Variants in PRIM2 observed in about 807,000 individuals in gnomAD.
PRIM2 encodes DNA primase subunit 2.
A neutral mutation model predicts 67.3 loss-of-function variants in PRIM2; 39 were observed. The ratio of observed to expected loss-of-function variants is 0.58; its 90% CI spans 0.45 to 0.76. The LOEUF is 0.76. Among genes scored for constraint, PRIM2 ranks in the 30% least tolerant of loss-of-function variants. The pLI, the probability that PRIM2 is intolerant of heterozygous loss-of-function variation, is 0.00. For synonymous variants in PRIM2, 143 were observed against 198.7 expected (o/e 0.72, Z 2.36); for missense variants, 398 against 598.7 (o/e 0.66, Z 3.50).
rs1775738935 is a variant in PRIM2 at position 57,566,298 on chromosome 6, A to G, written c.1020+28673A>G. Among the ~76,000 whole-genome samples the G allele has an allele frequency of 2.0e-5, 3 of 152,024 alleles. 1 individual carries two copies. The highest frequency in any genetic ancestry group is 4.1e-4 in the South Asian group (2 of 4,832). ...TTTCATATTATGTCACATAGGAAGC[A>G]TATTGGGTAGCAGTAGTTTGAACCC... On this transcript the variant is annotated intron_variant, in intron 10 of 13. Coordinates refer to ENST00000615550, the MANE Select transcript of PRIM2 (RefSeq NM_000947.5).
At chr6:57,406,366 A>G (rs1386628531) in intron 7 of PRIM2, among the ~76,000 whole-genome samples, 1 of 152,148 alleles carries the variant, frequency 6.6e-6, no homozygotes, top group Non-Finnish European at 1.5e-5. Flanking sequence ...GTTTAATTGC[A>G]CATATACGTT....
the PRIM2 span, chr6:57,222,260 G>C: frequency 6.6e-6 from 1 of 152,540 alleles, no homozygotes; most frequent in African/African-American, 2.4e-5. Context: ...GGTGGGGCGC[G>C]GGAGTCTCGA....
chr6:57,287,271 G>A, the PRIM2 span, among the ~76,000 whole-genome samples: 1 of 152,092 alleles, frequency 6.6e-6, no homozygotes. Flanking sequence ...CATACCCAAA[G>A]GATTGTAAAT....
chr6:57,400,717 C>G (rs1022490733), intron 7 of PRIM2, among the ~76,000 whole-genome samples: 43 of 152,300 alleles, frequency 2.8e-4, no homozygotes, highest in African/African-American at 9.9e-4. Context: ...GCTTTTTCCC[C>G]TTCGCTTTCA....
At position 57,383,691 on chromosome 6, in the gene PRIM2, G is replaced by T. The variant is rs1770040944; in HGVS notation, c.693+1523G>T. The T allele has an allele frequency of 2.0e-5, 3 of 152,068 alleles. No homozygotes were observed. In the South Asian group the frequency reaches 6.2e-4, roughly 31 times the overall value. 9.4% of individuals were successfully genotyped at this position (152,068 alleles called of 1,614,324 possible). On this transcript the variant is annotated intron_variant, in intron 7 of 13. Coordinates refer to ENST00000615550, the MANE Select transcript of PRIM2 (RefSeq NM_000947.5). ...GCTACAGCCATCTAGAGATGAGGCA[G>T]GTAACTTCGGGACAACCCAATTTGC...
chr6:57,257,213 T>A, the PRIM2 span, among the ~76,000 whole-genome samples: 6 of 152,112 alleles, frequency 3.9e-5, no homozygotes, highest in African/African-American at 7.2e-5. Flanking sequence ...AAAGAAGTAT[T>A]TTTTATCTTA....
At chr6:57,483,530 A>G (rs1328178280) in intron 7 of PRIM2, among the ~76,000 whole-genome samples, 1 of 152,206 alleles carries the variant, frequency 6.6e-6, no homozygotes, top group Non-Finnish European at 1.5e-5. Context: ...ACCAAACTTT[A>G]TGAGTCTTGG....
intron 7 of PRIM2, among the ~76,000 whole-genome samples, chr6:57,404,543 G>C (rs1770818116): frequency 6.6e-6 from 1 of 151,068 alleles, no homozygotes; most frequent in African/African-American, 2.4e-5. Flanking sequence ...CTGTATACCT[G>C]ATAATATGTG....
intron 5 of PRIM2, among the ~76,000 whole-genome samples, chr6:57,353,653 T>C (rs1375311297): frequency 6.6e-6 from 1 of 152,208 alleles, no homozygotes; most frequent in Non-Finnish European, 1.5e-5. Context: ...TAGATTACTA[T>C]CGGTAGTCTT....
intron 7 of PRIM2, among the ~76,000 whole-genome samples, chr6:57,438,854 C>T (rs1772099555): frequency 6.6e-6 from 1 of 150,478 alleles, no homozygotes; most frequent in South Asian, 2.1e-4. Flanking sequence ...CTCACTGCAA[C>T]CTCCGCCTCT....
intron 8 of PRIM2, among the ~76,000 whole-genome samples, chr6:57,528,990 G>A (rs1348369832): frequency 5.3e-5 from 8 of 152,158 alleles, no homozygotes; most frequent in African/African-American, 1.9e-4. Context: ...TAAGTGACTT[G>A]TCCCAGTTTG....
At position 57,533,901 on chromosome 6, in the gene PRIM2, G is replaced by C. The variant is rs1322946808; in HGVS notation, c.834+1418G>C. ...GGACAACATAATAAATAATAAATGA[G>C]CAATATAATGTTAAGTGCTATGATG... On this transcript the variant is annotated intron_variant, in intron 9 of 13. Coordinates refer to ENST00000615550, the MANE Select transcript of PRIM2 (RefSeq NM_000947.5). Among the ~76,000 whole-genome samples the C allele has an allele frequency of 5.3e-5, 8 of 152,266 alleles. No individual in the cohort carries two copies. In the South Asian group the frequency reaches 1.7e-3, roughly 32 times the overall value.
At chr6:57,523,227 G>C (rs1774663880) in intron 8 of PRIM2, among the ~76,000 whole-genome samples, 1 of 152,218 alleles carries the variant, frequency 6.6e-6, no homozygotes. Context: ...TTTGAGAGCA[G>C]CACTTTTGTG....
intron 7 of PRIM2, among the ~76,000 whole-genome samples, chr6:57,486,760 T>C (rs1773762038): frequency 6.6e-6 from 1 of 152,232 alleles, no homozygotes; most frequent in Non-Finnish European, 1.5e-5. Context: ...ATAACTAGCA[T>C]TGACATAGGA....
chr6:57,236,359 C>T, the PRIM2 span, among the ~76,000 whole-genome samples: 1 of 130,390 alleles, frequency 7.7e-6, no homozygotes, highest in South Asian at 2.5e-4. Context: ...TATTATTTGC[C>T]TCTAGCCTCC....
intron 7 of PRIM2, among the ~76,000 whole-genome samples, chr6:57,453,156 G>A (rs1345164091): frequency 5.9e-5 from 9 of 152,086 alleles, no homozygotes; most frequent in Non-Finnish European, 1.3e-4. Context: ...TCTCTGTTTT[G>A]ATACAAATAC....
intron 5 of PRIM2, among the ~76,000 whole-genome samples, chr6:57,361,713 A>T (rs1769207148): frequency 6.6e-6 from 1 of 151,752 alleles, no homozygotes; most frequent in African/African-American, 2.4e-5. Context: ...GTTGTCCTTT[A>T]TATTATTTTA....
intron 8 of PRIM2, among the ~76,000 whole-genome samples, chr6:57,511,809 T>G (rs1774374981): frequency 6.6e-6 from 1 of 152,158 alleles, no homozygotes; most frequent in African/African-American, 2.4e-5. Flanking sequence ...TTTCAGACAT[T>G]TTAAGCTTGA....
intron 7 of PRIM2, among the ~76,000 whole-genome samples, chr6:57,439,960 A>T (rs4236152): frequency 6.6e-6 from 1 of 151,374 alleles, no homozygotes; most frequent in Non-Finnish European, 1.5e-5. Flanking sequence ...TAAAAATATT[A>T]TAAATTACAT....
Sources: allele counts gnomAD v4.1 joint callset (sites outside exome capture counted in the v4.1 genomes callset), GRCh38; gene constraint gnomAD v4.1.1; transcripts MANE v1.5; gene names NCBI Gene and HGNC (gene_info 2026-07-23, HGNC 2026-07-21).